The following SCFD1 variants were observed in gnomAD, a reference collection of about 807,000 sequenced individuals.
The protein encoded by SCFD1 is sec1 family domain-containing protein 1.
A neutral mutation model predicts 103.2 loss-of-function variants in SCFD1; 37 were observed. The ratio of observed to expected loss-of-function variants is 0.36; its 90% confidence interval spans 0.28 to 0.47. The LOEUF is 0.47. Among genes scored for constraint, SCFD1 ranks in the 20% least tolerant of loss-of-function variants. The pLI is 1.00. For synonymous variants in SCFD1, 264 were observed against 245.0 expected (o/e 1.08, Z -0.73); for missense variants, 639 against 761.2 (o/e 0.84, Z 1.89).
intron 14 of SCFD1, among the ~76,000 whole-genome samples, chr14:30,677,960 C>T (rs1889172434): frequency 6.6e-6 from 1 of 150,988 alleles, no homozygotes; most frequent in African/African-American, 2.4e-5. Flanking sequence ...CTGCCTCAGC[C>T]TCCTGAGTAG....
chr14:30,633,398 A>G (rs1198251325), intron 3 of SCFD1, among the ~76,000 whole-genome samples: 1 of 152,272 alleles, frequency 6.6e-6, no homozygotes, highest in Non-Finnish European at 1.5e-5. Context: ...TTATGAAACA[A>G]TAAATAGACA....
intron 23 of SCFD1, among the ~76,000 whole-genome samples, chr14:30,729,199 C>G (rs1373513545): frequency 6.6e-6 from 1 of 152,116 alleles, no homozygotes; most frequent in Non-Finnish European, 1.5e-5. Flanking sequence ...TCTGGGTTGT[C>G]TTTTCTCTTT....
At chr14:30,655,059 C>G (rs1017471947) in intron 10 of SCFD1, among the ~76,000 whole-genome samples, 1 of 152,252 alleles carries the variant, frequency 6.6e-6, no homozygotes, top group Middle Eastern at 3.4e-3. Flanking sequence ...TCCTGTCTTT[C>G]TAGAGCTTAC....
intron 6 of SCFD1, 124 bp downstream of exon 6, chr14:30,639,988 G>A (rs970421981): frequency 4.4e-6 from 5 of 1,140,182 alleles, no homozygotes; most frequent in Non-Finnish European, 5.9e-6. Flanking sequence ...AGCTATAGAA[G>A]CTTTTTAAAA....
chr14:30,659,711 G>T (rs1242577896), intron 10 of SCFD1, among the ~76,000 whole-genome samples: 1 of 152,152 alleles, frequency 6.6e-6, no homozygotes, highest in East Asian at 1.9e-4. Context: ...ATTAAGATAG[G>T]TTAGGTTGTG....
rs537311060 is a variant in SCFD1 at position 30,701,698 on chromosome 14, T to C, written c.1411-598T>C. Among the ~76,000 whole-genome samples, 29 of 152,360 alleles carry C rather than the reference T, an allele frequency of 1.9e-4. No individual in the cohort carries two copies. The South Asian group carries it at 6.0e-3, about 32-fold the overall frequency. On this transcript the variant is annotated intron_variant, in intron 16 of 24. Coordinates refer to ENST00000458591, the MANE Select transcript of SCFD1 (RefSeq NM_016106.4). ...CCTTAATTTAACCACATTATTTTTA[T>C]TTACTTTTGGTAAGGATTATGTCTT...
At chr14:30,632,940 A>G (rs1463909564) in intron 3 of SCFD1, among the ~76,000 whole-genome samples, 1 of 152,222 alleles carries the variant, frequency 6.6e-6, no homozygotes, top group Non-Finnish European at 1.5e-5. Context: ...GAGCATGGAA[A>G]TATTACACAG....
At chr14:30,701,101 C>T (rs1891049023) in intron 16 of SCFD1, among the ~76,000 whole-genome samples, 1 of 152,148 alleles carries the variant, frequency 6.6e-6, no homozygotes, top group African/African-American at 2.4e-5. Context: ...CTGTTCTAAG[C>T]TCCATTCCTT....
At chr14:30,648,723 T>C (rs1886097895) in intron 7 of SCFD1, among the ~76,000 whole-genome samples, 1 of 152,182 alleles carries the variant, frequency 6.6e-6, no homozygotes, top group Non-Finnish European at 1.5e-5. Flanking sequence ...GACAGCATAG[T>C]GAAACTTTGT....
At chr14:30,721,300 C>T (rs1260026027) in intron 21 of SCFD1, among the ~76,000 whole-genome samples, 3 of 151,450 alleles carry the variant, frequency 2.0e-5, no homozygotes, top group Non-Finnish European at 2.9e-5. Flanking sequence ...TCATACTCTA[C>T]AGCCTGTTTT....
At chr14:30,677,588 GTTCTCATTAT>G (rs1889126809) in intron 14 of SCFD1, among the ~76,000 whole-genome samples, 1 of 150,258 alleles carries the variant, frequency 6.7e-6, no homozygotes, top group Non-Finnish European at 1.5e-5. Flanking sequence ...AAACTGTATT[GTTCTCATTAT>G]TTCTCATTAT....
intron 19 of SCFD1, among the ~76,000 whole-genome samples, chr14:30,712,537 GT>G (rs1891958588): frequency 6.6e-6 from 1 of 151,738 alleles, no homozygotes; most frequent in Non-Finnish European, 1.5e-5. Context: ...ATTTTATTTT[GT>G]TTTGTAATAC....
chr14:30,696,216 T>C (rs1272813207), intron 15 of SCFD1, among the ~76,000 whole-genome samples: 1 of 152,222 alleles, frequency 6.6e-6, no homozygotes, highest in Non-Finnish European at 1.5e-5. Context: ...AGATTCTATT[T>C]ATACAAACAT....
At chr14:30,712,800 C>T (rs943773710) in intron 19 of SCFD1, among the ~76,000 whole-genome samples, 1 of 152,024 alleles carries the variant, frequency 6.6e-6, no homozygotes, top group Non-Finnish European at 1.5e-5. Flanking sequence ...TAGTTGCTAA[C>T]TATACAATAA....
At chr14:30,625,867 C>G (rs1054851375) in intron 1 of SCFD1, among the ~76,000 whole-genome samples, 2 of 152,106 alleles carry the variant, frequency 1.3e-5, no homozygotes, top group African/African-American at 2.4e-5. Flanking sequence ...TGCTGCTGGC[C>G]TCTTTCAGTT....
chr14:30,665,667 A>G (rs1245230400), intron 10 of SCFD1, among the ~76,000 whole-genome samples: 2 of 152,212 alleles, frequency 1.3e-5, no homozygotes, highest in Non-Finnish European at 2.9e-5. Context: ...GCAGAGACAC[A>G]CAAAGGCTCA....
In SCFD1 at chr14:30,643,375, G is replaced by A. The variant is rs1312856836; in HGVS notation, c.583G>A (p.Asp195Asn). 1.9e-6 allele frequency: 3 copies of A among 1,613,298 alleles called. No homozygotes were observed. The highest frequency in any genetic ancestry group is 1.1e-5 in the South Asian group (1 of 91,054). The change falls in exon 7 of 25, where the codon GAC becomes AAC. Residue 195 changes from aspartate (D) to asparagine (N), a missense_variant. By Grantham distance (23) the Asp-to-Asn change is conservative (BLOSUM62 1). Transcript: ENST00000458591. ...GGAAACTGTTATGGACACTATAGTT[G>A]ACAGCCTCTTCTGCTTTTTTGTTAC... Reference protein sequence around the residue: ...EMETVMDTIVDSLFCFFVTLG... With the variant: ...EMETVMDTIVNSLFCFFVTLG...
Position 30,674,413 on chromosome 14 carries a change from C to T in SCFD1, c.1160+416C>T, listed in dbSNP as rs535723505. ...ATCCCAACACTTTGGGAGGCTGAGGCGGGCAGATCACAAGGTCAAGAGATT... is the reference window on the plus strand; with the variant it reads ...ATCCCAACACTTTGGGAGGCTGAGGTGGGCAGATCACAAGGTCAAGAGATT... On this transcript the variant is annotated intron_variant, in intron 13 of 24. Transcript: ENST00000458591. Among the ~76,000 whole-genome samples the T allele has an allele frequency of 6.1e-4, 93 of 152,012 alleles. 1 individual carries two copies. Among genetic ancestry groups the T allele is most frequent in the African/African-American group, 2.1e-3 (87 of 41,482 alleles).
intron 19 of SCFD1, among the ~76,000 whole-genome samples, chr14:30,710,306 C>T (rs1272894927): frequency 2.3e-5 from 3 of 133,054 alleles, no homozygotes; most frequent in Admixed American, 1.6e-4. Context: ...ATATTTTTGC[C>T]ACCACTACCA....
Sources: gnomAD v4.1 joint callset for allele counts (sites outside exome capture counted in the v4.1 genomes callset) on GRCh38, gnomAD v4.1.1 for gene constraint, MANE v1.5 for transcripts, NCBI Gene and HGNC (gene_info 2026-07-23, HGNC 2026-07-21) for gene names.